The following FAM114A1 variants were observed in gnomAD, a reference collection of about 807,000 sequenced individuals.
The protein encoded by FAM114A1 is protein NOXP20.
A neutral mutation model predicts 64.3 loss-of-function variants in FAM114A1; 62 were observed. The ratio of observed to expected loss-of-function variants is 0.96; its 90% confidence interval spans 0.79 to 1.19. The LOEUF (loss-of-function observed/expected upper bound fraction) is 1.19, where lower values mean the gene tolerates loss of function less well. Ranked by LOEUF, FAM114A1 falls within the 50% of genes most tolerant of loss-of-function variation. The pLI is 0.00. For synonymous variants in FAM114A1, 254 were observed against 251.1 expected, an observed-to-expected ratio of 1.01 and a Z score of -0.11; for missense variants, 645 against 676.3, an observed-to-expected ratio of 0.95 and a Z score of 0.51.
intron 12 of FAM114A1, among the ~76,000 whole-genome samples, chr4:38,934,949 T>C (rs949390824): frequency 6.6e-6 from 1 of 151,972 alleles, no homozygotes; most frequent in Non-Finnish European, 1.5e-5. Context: ...AGTTTTGCTC[T>C]TGTTGCCCAG....
intron 7 of FAM114A1, among the ~76,000 whole-genome samples, chr4:38,911,197 G>C (rs1718495065): frequency 6.6e-6 from 1 of 152,230 alleles, no homozygotes; most frequent in African/African-American, 2.4e-5. Context: ...CAGGATGCCG[G>C]TCCCACCCCA....
Position 38,941,548 on chromosome 4 carries a change from A to T in FAM114A1, c.1590+527A>T, listed in dbSNP as rs1721579164. ...CCACTCACTAGGACTTTGCAGCATC[A>T]GTTGTGTTGATATAAAGCTGCCCCA... On this transcript the variant is annotated intron_variant, in intron 14 of 14. Transcript: ENST00000358869. 2.6e-5 allele frequency among the ~76,000 whole-genome samples: 4 copies of T among 152,310 alleles called. No individual in the cohort carries two copies. In the South Asian group the frequency reaches 6.2e-4, roughly 24 times the overall value.
Position 38,878,367 on chromosome 4 carries a change from T to C in FAM114A1, c.289T>C (p.Ser97Pro), listed in dbSNP as rs1579294208. 6.2e-7 allele frequency: 1 copy of C among 1,613,372 alleles called. No individual in the cohort carries two copies. The change falls in exon 3 of 15, where the codon TCC becomes CCC. Residue 97 changes from serine to proline, a missense_variant. Ser to Pro is a moderately conservative substitution (Grantham distance 74). Transcript: ENST00000358869. ...TEDTLAECID[S>P]VSLEAEPRSE... is the part of the protein sequence containing the mutation. ...GGATACACTTGCTGAATGTATTGAT[T>C]CCGTCAGCCTTGAGGCAGAACCCAG...
intron 4 of FAM114A1, among the ~76,000 whole-genome samples, chr4:38,901,715 G>A (rs115593044): frequency 0.016 from 2,407 of 152,290 alleles, 81 homozygotes; most frequent in African/African-American, 0.054. Context: ...GAATTCACAA[G>A]AAGAGAGCTT....
In FAM114A1 at chr4:38,872,561, T is replaced by C. The variant is rs192469331; in HGVS notation, c.-9+4015T>C. 4.1e-4 allele frequency among the ~76,000 whole-genome samples: 62 copies of C among 152,198 alleles called. 1 individual carries two copies. Among genetic ancestry groups the C allele is most frequent in the Non-Finnish European group, 1.9e-4 (13 of 68,040 alleles). On this transcript the variant is annotated intron_variant, in intron 2 of 14. Coordinates refer to ENST00000358869, the MANE Select transcript of FAM114A1 (RefSeq NM_138389.4). ...CAGACAATGTCTACCATCTACCGAT[T>C]TAAAAAAATGAGAATAAAAGTGATG...
intron 10 of FAM114A1, 124 bp from the exon 11 acceptor site, chr4:38,931,327 C>A: frequency 8.5e-7 from 1 of 1,170,810 alleles, no homozygotes; most frequent in Non-Finnish European, 1.2e-6. Flanking sequence ...GCCCCGTCAT[C>A]CTCCAAACAT....
chr4:38,905,923 C>G (rs962486236), intron 6 of FAM114A1, 62 bp downstream of exon 6: 1 of 1,441,916 alleles, frequency 6.9e-7, no homozygotes, highest in Non-Finnish European at 9.4e-7. Flanking sequence ...TTTGATATTT[C>G]CATTTACCAG....
Position 38,922,773 on chromosome 4 carries a change from C to A in FAM114A1, c.949C>A (p.Gln317Lys). The change falls in exon 9 of 15, where the codon CAG (glutamine) becomes AAG (lysine). Residue 317 changes from glutamine (Q) to lysine (K), a missense_variant. Coordinates refer to ENST00000358869, the MANE Select transcript of FAM114A1 (RefSeq NM_138389.4). ...ILSNESESKVQSFLASLDGEK... is the reference protein window; with the variant it reads ...ILSNESESKVKSFLASLDGEK... The stretch of plus-strand genomic sequence containing the variant: ...GCTGACCTATTTCTTTTTTCAGGTT[C>A]AGTCATTTTTAGCATCACTTGATGG... 6.2e-7 allele frequency: 1 copy of A among 1,607,784 alleles called. No homozygotes were observed. The highest frequency in any genetic ancestry group is 8.5e-7 in the Non-Finnish European group (1 of 1,178,308).
At position 38,878,229 on chromosome 4, in the gene FAM114A1, G is replaced by T. The variant is rs766185603; in HGVS notation, c.151G>T (p.Glu51Ter). The T allele has an allele frequency of 1.2e-6, 2 of 1,614,228 alleles. No homozygotes were observed. The highest frequency in any genetic ancestry group is 2.2e-5 in the East Asian group (1 of 44,890). ...HEPTPADPRG[E>*]GHENAAVQGA... is the part of the protein sequence containing the mutation. ...GCCAACACCAGCTGACCCCAGAGGGGAGGGGCATGAAAATGCAGCTGTGCA... is the reference window on the plus strand; with the variant it reads ...GCCAACACCAGCTGACCCCAGAGGGTAGGGGCATGAAAATGCAGCTGTGCA... The change falls in exon 3 of 15, where the codon GAG becomes TAG. Residue 51 changes from glutamate to a stop codon, truncating the protein, a stop_gained. Transcript: ENST00000358869. LOFTEE classifies it high-confidence loss of function.
At chr4:38,888,400 G>A (rs965121723) in intron 3 of FAM114A1, among the ~76,000 whole-genome samples, 5 of 152,206 alleles carry the variant, frequency 3.3e-5, no homozygotes, top group Middle Eastern at 6.8e-3. Context: ...GTGCATGCCT[G>A]TAATCTCAGC....
At chr4:38,940,712 C>G (rs1721518137) in intron 13 of FAM114A1, among the ~76,000 whole-genome samples, 1 of 152,170 alleles carries the variant, frequency 6.6e-6, no homozygotes, top group African/African-American at 2.4e-5. Flanking sequence ...GTTACTCAAC[C>G]TTTCTGATCC....
At chr4:38,942,417 T>G (rs1376546389) in intron 14 of FAM114A1, among the ~76,000 whole-genome samples, 1 of 152,024 alleles carries the variant, frequency 6.6e-6, no homozygotes, top group Non-Finnish European at 1.5e-5. Context: ...GGAACAGACA[T>G]AGCTAAGAGA....
intron 4 of FAM114A1, among the ~76,000 whole-genome samples, chr4:38,895,101 A>G (rs923031341): frequency 2.6e-5 from 4 of 152,166 alleles, no homozygotes; most frequent in African/African-American, 9.7e-5. Context: ...CCATAACTTT[A>G]AAGTCTCTGG....
rs562977838 is a variant in FAM114A1, at chr4:38,909,149, G to A, written c.792+423G>A. Among the ~76,000 whole-genome samples the A allele has an allele frequency of 6.6e-5, 10 of 152,236 alleles. No individual in the cohort carries two copies. The South Asian group carries it at 2.1e-3, about 32-fold the overall frequency. On this transcript the variant is annotated intron_variant, in intron 7 of 14. Transcript: ENST00000358869. Reference sequence around the variant, plus strand: ...TTGAAGATGATCCATTTATGTCATGGTATGCATCCCATCTCTACCACTTAG... The same window carrying A: ...TTGAAGATGATCCATTTATGTCATGATATGCATCCCATCTCTACCACTTAG...
intron 3 of FAM114A1, among the ~76,000 whole-genome samples, chr4:38,882,490 A>G (rs936525591): frequency 2.0e-5 from 3 of 150,588 alleles, no homozygotes; most frequent in Non-Finnish European, 4.4e-5. Flanking sequence ...TTAGCTGGGC[A>G]TGGTAGTGCA....
Position 38,943,523 on chromosome 4 carries a change from A to G in FAM114A1, c.1658A>G (p.His553Arg). Residue 553 changes from histidine (H) to arginine (R), a missense_variant, in exon 15 of 15, where the codon CAT (histidine) becomes CGT (arginine). Transcript: ENST00000358869. The stretch of plus-strand genomic sequence containing the variant: ...CTGCTGCCTGTTCTGCAGGTCTCAC[A>G]TATCCAGACCAGTTGTTTGAAAGCA... ...QLLLPVLQVS[H>R]IQTSCLKAQP 1.2e-6 allele frequency: 2 copies of G among 1,614,050 alleles called. No homozygotes were observed. The highest frequency in any genetic ancestry group is 1.1e-5 in the South Asian group (1 of 91,076).
intron 12 of FAM114A1, among the ~76,000 whole-genome samples, chr4:38,933,166 C>G (rs138120475): frequency 4.6e-5 from 7 of 152,204 alleles, no homozygotes; most frequent in African/African-American, 1.7e-4. Context: ...ATAAGGATTT[C>G]TTTAGCAAGT....
chr4:38,919,652 G>A (rs541885859), intron 8 of FAM114A1, among the ~76,000 whole-genome samples: 105 of 152,250 alleles, frequency 6.9e-4, no homozygotes, highest in Non-Finnish European at 1.2e-3. Context: ...GCCCTCTGAG[G>A]GCTTATTGTC....
chr4:38,938,573 CAA>C (rs1721300972), intron 13 of FAM114A1: 2 of 152,202 alleles, frequency 1.3e-5, no homozygotes, highest in African/African-American at 4.8e-5. Context: ...TCGTGTGGTC[CAA>C]GTTACCTGAT....
Sources: allele counts gnomAD v4.1 joint callset (sites outside exome capture counted in the v4.1 genomes callset), GRCh38; gene constraint gnomAD v4.1.1; transcripts MANE v1.5; gene names NCBI Gene and HGNC (gene_info 2026-07-23, HGNC 2026-07-21).